RBPMS: variants seen among roughly 807,000 people sequenced by gnomAD.
RBPMS encodes the protein RNA-binding protein with multiple splicing.
In RBPMS, 7 loss-of-function variants were observed where a neutral mutation model predicts 26.8. The ratio of observed to expected loss-of-function variants is 0.26; its 90% CI spans 0.15 to 0.49. The LOEUF (loss-of-function observed/expected upper bound fraction) is 0.49, where lower values mean the gene tolerates loss of function less well. RBPMS is among the 20% of genes least tolerant of loss of function. The probability of loss-of-function intolerance (pLI) is 0.98; values close to 1 mark genes in which losing one functional copy is unlikely to be tolerated. For synonymous variants in RBPMS, 96 were observed against 93.3 expected (o/e 1.03, Z -0.17); for missense variants, 186 against 250.0 (o/e 0.74, Z 1.73).
At chr8:30,456,846 C>G (rs570655928) in intron 1 of RBPMS, among the ~76,000 whole-genome samples, 1 of 152,102 alleles carries the variant, frequency 6.6e-6, no homozygotes, top group East Asian at 1.9e-4. Flanking sequence ...CTTGAAACCC[C>G]GGAGGTGGAG....
At chr8:30,446,388 CTG>C (rs2150727579) in intron 1 of RBPMS, among the ~76,000 whole-genome samples, 1 of 152,294 alleles carries the variant, frequency 6.6e-6, no homozygotes, top group South Asian at 2.1e-4. Flanking sequence ...AAACTAACTT[CTG>C]TGTTTTCTAT....
intron 7 of RBPMS, chr8:30,564,335 AGT>A (rs1344141113): frequency 1.3e-5 from 2 of 152,176 alleles, no homozygotes; most frequent in African/African-American, 4.8e-5. Context: ...TCACTGGGAG[AGT>A]GTGCAGGGCC....
At chr8:30,464,461 G>A (rs1166964161) in intron 1 of RBPMS, among the ~76,000 whole-genome samples, 1 of 152,140 alleles carries the variant, frequency 6.6e-6, no homozygotes, top group South Asian at 2.1e-4. Context: ...CTAATTGTTA[G>A]AAGCATATTG....
intron 5 of RBPMS, among the ~76,000 whole-genome samples, chr8:30,519,348 G>C (rs935422919): frequency 6.6e-6 from 1 of 151,466 alleles, no homozygotes. Flanking sequence ...CTCCTCCTCA[G>C]TTGTCTTTTT....
intron 6 of RBPMS, among the ~76,000 whole-genome samples, chr8:30,554,078 A>G (rs1826628252): frequency 6.6e-6 from 1 of 152,188 alleles, no homozygotes; most frequent in Admixed American, 6.5e-5. Context: ...GCCCTGCCCA[A>G]GCTACTGTTA....
intron 1 of RBPMS, among the ~76,000 whole-genome samples, chr8:30,444,341 T>C (rs1813482217): frequency 6.6e-6 from 1 of 152,244 alleles, no homozygotes; most frequent in African/African-American, 2.4e-5. Flanking sequence ...ATTAAAGCTA[T>C]AAATAGTTTT....
chr8:30,560,598 G>A (rs904757566), intron 7 of RBPMS, among the ~76,000 whole-genome samples: 1 of 152,214 alleles, frequency 6.6e-6, no homozygotes, highest in Admixed American at 6.5e-5. Flanking sequence ...TCATATTCGA[G>A]TGTGGCCAAA....
rs1828222564 is a variant in RBPMS, at chr8:30,570,844, A to C, written c.*319A>C. The C allele has an allele frequency of 6.6e-6, 1 of 152,482 alleles. No individual in the cohort carries two copies. The highest frequency in any genetic ancestry group is 1.5e-5 in the Non-Finnish European group (1 of 68,046). The allele number at this position is 152,482 out of a possible 1,614,324, so 9.4% of individuals were successfully genotyped here. The stretch of plus-strand genomic sequence containing the variant: ...GAGATATTTTCAAACGAAACGTAAG[A>C]GAAGTCAACAATAAAACCAAGAAAA... On this transcript the variant is annotated 3_prime_UTR_variant, in exon 9 of 9. Transcript: ENST00000397323.
chr8:30,547,433 T>C (rs1825962413), intron 6 of RBPMS: 1 of 1,587,456 alleles, frequency 6.3e-7, no homozygotes, highest in African/African-American at 1.4e-5. Flanking sequence ...AATTTGTTTG[T>C]TAGCTATTTT....
intron 3 of RBPMS, among the ~76,000 whole-genome samples, chr8:30,478,624 C>T (rs970663753): frequency 2.0e-5 from 3 of 152,074 alleles, no homozygotes; most frequent in African/African-American, 7.2e-5. Context: ...CTCAGCCTCC[C>T]AAATAGCTGG....
At chr8:30,498,353 T>A (rs1426431164) in intron 4 of RBPMS, among the ~76,000 whole-genome samples, 2 of 152,156 alleles carry the variant, frequency 1.3e-5, no homozygotes, top group Admixed American at 1.3e-4. Flanking sequence ...AGTCAATATT[T>A]ATAATATATA....
At position 30,504,395 on chromosome 8, in the gene RBPMS, C is replaced by T. The variant is rs1299751617; in HGVS notation, c.356C>T (p.Pro119Leu). The change falls in exon 5 of 9, where the codon CCT (proline) becomes CTT (leucine). Residue 119 changes from proline to leucine, a missense_variant. By Grantham distance (98) the Pro-to-Leu change is moderately conservative. Coordinates refer to ENST00000397323, the MANE Select transcript of RBPMS (RefSeq NM_001008710.3). ...GTAGGGACTCCAAACCCCAGTACTC[C>T]TCTGCCCAACACTGTACCTCAGTTC... is the stretch of plus-strand genomic sequence containing the variant. The part of the protein sequence containing the change: ...KLVGTPNPST[P>L]LPNTVPQFIA... 3 of 1,614,088 alleles carry T rather than the reference C, an allele frequency of 1.9e-6. No individual in the cohort carries two copies. Among genetic ancestry groups the T allele is most frequent in the African/African-American group, 2.7e-5 (2 of 74,940 alleles).
chr8:30,428,931 C>T (rs1472694650), intron 1 of RBPMS, among the ~76,000 whole-genome samples: 1 of 152,048 alleles, frequency 6.6e-6, no homozygotes, highest in Non-Finnish European at 1.5e-5. Flanking sequence ...TTTGTAGCTC[C>T]ACTAGTAACA....
At chr8:30,546,904 G>C (rs540649390) in intron 6 of RBPMS, among the ~76,000 whole-genome samples, 1 of 152,300 alleles carries the variant, frequency 6.6e-6, no homozygotes, top group South Asian at 2.1e-4. Context: ...ACCATGACTA[G>C]ACCCAGGTCA....
At chr8:30,452,130 G>A (rs888593135) in intron 1 of RBPMS, among the ~76,000 whole-genome samples, 1 of 152,150 alleles carries the variant, frequency 6.6e-6, no homozygotes, top group East Asian at 1.9e-4. Context: ...ATCAGTACAG[G>A]TTCTAAGGCC....
chr8:30,427,575 G>C (rs2979469), intron 1 of RBPMS, among the ~76,000 whole-genome samples: 118,157 of 152,198 alleles, frequency 0.78, 46,167 homozygotes, highest in African/African-American at 0.86. Flanking sequence ...CTCTCTTCCT[G>C]TCTTTCCATG....
intron 1 of RBPMS, among the ~76,000 whole-genome samples, chr8:30,448,927 C>T (rs1814199881): frequency 6.6e-6 from 1 of 152,194 alleles, no homozygotes; most frequent in South Asian, 2.1e-4. Context: ...TGGGGGGGAA[C>T]TTTGCTGTCT....
chr8:30,459,480 A>G (rs1042395182), intron 1 of RBPMS, among the ~76,000 whole-genome samples: 2 of 152,172 alleles, frequency 1.3e-5, no homozygotes, highest in African/African-American at 4.8e-5. Context: ...ATAAATATAA[A>G]TATGTGGTGA....
intron 5 of RBPMS, among the ~76,000 whole-genome samples, chr8:30,541,205 C>T (rs1825357396): frequency 6.6e-6 from 1 of 152,156 alleles, no homozygotes; most frequent in Non-Finnish European, 1.5e-5. Flanking sequence ...CTGTAAGCTT[C>T]ACCTTTCTGC....
Sources: allele counts gnomAD v4.1 joint callset (sites outside exome capture counted in the v4.1 genomes callset), GRCh38; gene constraint gnomAD v4.1.1; transcripts MANE v1.5; gene names NCBI Gene and HGNC (gene_info 2026-07-23, HGNC 2026-07-21).